MUSK: variants seen among roughly 807,000 people sequenced by gnomAD.
The protein encoded by MUSK is muscle associated receptor tyrosine kinase, also known as muscle, skeletal receptor tyrosine-protein kinase.
A neutral mutation model predicts 88.7 loss-of-function variants in MUSK; 55 were observed. The observed-to-expected ratio is 0.62, with a 90% CI of 0.50 to 0.78. MUSK has a LOEUF of 0.78. Among genes scored for constraint, MUSK ranks in the 30% least tolerant of loss-of-function variants. MUSK has a pLI of 0.00. For synonymous variants in MUSK, 387 were observed against 391.9 expected (o/e 0.99, Z 0.15); for missense variants, 1,015 against 1,074.3 (o/e 0.94, Z 0.77).
intron 5 of MUSK, among the ~76,000 whole-genome samples, chr9:110,723,254 C>CACACACACACACAT: frequency 6.6e-6 from 1 of 151,764 alleles, no homozygotes; most frequent in South Asian, 2.1e-4. Context: ...CACACACACA[C>CACACACACACACAT]ACACACACAT....
chr9:110,784,985 C>A lies in MUSK; in HGVS notation c.1555C>A (p.Arg519=). The change falls in exon 12 of 15, where the codon CGA becomes AGA. Residue 519 remains arginine (R), a synonymous_variant. Coordinates refer to ENST00000374448, the MANE Select transcript of MUSK (RefSeq NM_005592.4). ...TACCATAACTACTCTCTATTGCTGC[C>A]GAAGAAGAAAACAATGGAAAAATAA... is the stretch of plus-strand genomic sequence containing the variant. ...LLTITTLYCC[R]RRKQWKNKKR... is the part of the protein sequence containing the mutation. 1 of 1,613,364 alleles carries A rather than the reference C, an allele frequency of 6.2e-7. No homozygotes were observed. Among genetic ancestry groups the A allele is most frequent in the Non-Finnish European group, 8.5e-7 (1 of 1,179,718 alleles).
intron 6 of MUSK, among the ~76,000 whole-genome samples, chr9:110,740,954 G>A (rs2077089317): frequency 6.6e-6 from 1 of 152,134 alleles, no homozygotes; most frequent in Non-Finnish European, 1.5e-5. Context: ...ACTCATAGAA[G>A]CACAGAATAG....
chr9:110,669,617 C>T (rs1469272157), intron 1 of MUSK, among the ~76,000 whole-genome samples: 1 of 152,104 alleles, frequency 6.6e-6, no homozygotes, highest in Non-Finnish European at 1.5e-5. Context: ...CCGGAAATAA[C>T]ACCACCTCAG....
chr9:110,709,723 C>T lies in MUSK; in HGVS notation c.628+12257C>T, dbSNP rs1171725902. Among the ~76,000 whole-genome samples the T allele has an allele frequency of 3.3e-5, 5 of 152,224 alleles. No individual in the cohort carries two copies. In the East Asian group the frequency reaches 9.7e-4, roughly 29 times the overall value. On this transcript the variant is annotated intron_variant, in intron 5 of 14. Transcript: ENST00000374448. ...AGGTACAAGCAATAAAGTCCAATGG[C>T]AAAAACTAAATTTTTATTTTTAATA... is the stretch of plus-strand genomic sequence containing the variant.
chr9:110,768,919 T>C (rs2077525852), intron 9 of MUSK, among the ~76,000 whole-genome samples: 3 of 152,224 alleles, frequency 2.0e-5, no homozygotes, highest in Admixed American at 6.5e-5. Context: ...AATTGATAAA[T>C]TTATGTTCAA....
intron 5 of MUSK, chr9:110,706,048 A>G (rs1326236263): frequency 2.0e-6 from 1 of 507,946 alleles, no homozygotes; most frequent in African/African-American, 2.0e-5. Flanking sequence ...ACATTTTAAT[A>G]TCTCTGAAAT....
chr9:110,776,778 C>T, intron 11 of MUSK, 123 bp downstream of exon 11: 1 of 787,154 alleles, frequency 1.3e-6, no homozygotes, highest in East Asian at 2.7e-5. Context: ...AAAGTCTTCT[C>T]ACCATACTCA....
chr9:110,704,286 C>A (rs569013430), intron 5 of MUSK, among the ~76,000 whole-genome samples: 2 of 152,226 alleles, frequency 1.3e-5, no homozygotes, highest in South Asian at 4.2e-4. Context: ...TAATTCCATG[C>A]AGCCATTAAA....
chr9:110,800,594 T>C lies in MUSK; in HGVS notation c.2216T>C (p.Val739Ala), dbSNP rs767252670. The C allele has an allele frequency of 6.2e-6, 10 of 1,613,392 alleles. No homozygotes were observed. In the South Asian group the frequency reaches 8.8e-5, roughly 14 times the overall value. ...RNCLVGENMV[V>A]KIADFGLSRN... ...TGCCTGGTGGGCGAGAACATGGTGG[T>C]GAAAATTGCCGACTTTGGCCTCTCC... is the stretch of plus-strand genomic sequence containing the variant. The change falls in exon 15 of 15, where the codon GTG (valine) becomes GCG (alanine). Residue 739 changes from valine to alanine, a missense_variant. Transcript: ENST00000374448.
chr9:110,710,029 G>A lies in MUSK; in HGVS notation c.628+12563G>A, dbSNP rs143742505. On this transcript the variant is annotated intron_variant, in intron 5 of 14. Coordinates refer to ENST00000374448, the MANE Select transcript of MUSK (RefSeq NM_005592.4). ...ATTTAAAAAAAATAAATTTGAGACC[G>A]GAAACATCTTTTATTTTATAGATAA... 1.8e-3 allele frequency among the ~76,000 whole-genome samples: 276 copies of A among 152,148 alleles called. 3 individuals are homozygous for A. The highest frequency in any genetic ancestry group is 6.0e-3 in the East Asian group (31 of 5,174).
intron 13 of MUSK, among the ~76,000 whole-genome samples, chr9:110,787,117 G>C (rs1025245857): frequency 1.6e-4 from 24 of 152,086 alleles, no homozygotes; most frequent in Admixed American, 5.9e-4. Context: ...AATCCCCGCA[G>C]TTTGGGAGGC....
At position 110,805,100 on chromosome 9, in the gene MUSK, G is replaced by A. The variant is rs2078146341; in HGVS notation, c.*4112G>A. ...TAACTATTCTACTGTTAGACATTTG[G>A]TTTATTTCTATTTTTCCATTATAAA... On this transcript the variant is annotated 3_prime_UTR_variant, in exon 15 of 15. Coordinates refer to ENST00000374448, the MANE Select transcript of MUSK (RefSeq NM_005592.4). 6.6e-6 allele frequency among the ~76,000 whole-genome samples: 1 copy of A among 151,724 alleles called. No individual in the cohort carries two copies. The highest frequency in any genetic ancestry group is 1.5e-5 in the Non-Finnish European group (1 of 67,774).
chr9:110,705,169 CA>C (rs2076581138), intron 5 of MUSK, among the ~76,000 whole-genome samples: 1 of 152,028 alleles, frequency 6.6e-6, no homozygotes, highest in Non-Finnish European at 1.5e-5. Context: ...GATAAAGTAA[CA>C]TGAATCTTTC....
chr9:110,716,126 T>C (rs2076740424), intron 5 of MUSK, among the ~76,000 whole-genome samples: 1 of 149,674 alleles, frequency 6.7e-6, no homozygotes, highest in South Asian at 2.1e-4. Flanking sequence ...CCCCTGAACT[T>C]AAAATAGAAG....
chr9:110,771,083 A>G (rs1165083045), intron 9 of MUSK, among the ~76,000 whole-genome samples: 1 of 151,854 alleles, frequency 6.6e-6, no homozygotes, highest in Non-Finnish European at 1.5e-5. Flanking sequence ...ACAAACGTAT[A>G]CAACAATGTA....
At position 110,728,429 on chromosome 9, in the gene MUSK, T is replaced by C. The variant is rs985942057; in HGVS notation, c.629-5822T>C. On this transcript the variant is annotated intron_variant, in intron 5 of 14. Transcript: ENST00000374448. ...GAAAGAGCTACATTGTTAGGTATGCTGTAGTTTATTTTCTGTATAATACTG... is the reference window on the plus strand; with the variant it reads ...GAAAGAGCTACATTGTTAGGTATGCCGTAGTTTATTTTCTGTATAATACTG... 589 of 460,830 alleles carry C rather than the reference T, an allele frequency of 1.3e-3. 2 individuals carry two copies. Among genetic ancestry groups the C allele is most frequent in the Non-Finnish European group, 1.9e-3 (506 of 260,842 alleles). 28.5% of individuals were successfully genotyped at this position (460,830 alleles called of 1,614,324 possible). A position where few individuals can be genotyped will look rare whatever the true frequency, so the allele number is the denominator to read the frequency against.
chr9:110,718,913 A>G (rs1291164744), intron 5 of MUSK, among the ~76,000 whole-genome samples: 2 of 152,094 alleles, frequency 1.3e-5, no homozygotes, highest in Non-Finnish European at 2.9e-5. Flanking sequence ...AGCTAGAAGA[A>G]ATTGGGGTCC....
At chr9:110,739,640 A>G (rs1385428330) in intron 6 of MUSK, among the ~76,000 whole-genome samples, 2 of 152,122 alleles carry the variant, frequency 1.3e-5, no homozygotes, top group Admixed American at 1.3e-4. Flanking sequence ...CAAAGGCCAG[A>G]CCTTTCTTTG....
intron 1 of MUSK, among the ~76,000 whole-genome samples, chr9:110,676,708 G>A (rs907831297): frequency 4.6e-5 from 7 of 152,002 alleles, no homozygotes; most frequent in African/African-American, 1.7e-4. Context: ...CTCTATCCAT[G>A]TCCCTGCAAA....
Sources: gnomAD v4.1 joint callset for allele counts (sites outside exome capture counted in the v4.1 genomes callset) on GRCh38, gnomAD v4.1.1 for gene constraint, MANE v1.5 for transcripts, NCBI Gene and HGNC (gene_info 2026-07-23, HGNC 2026-07-21) for gene names.